Variants in SLC9D1 observed in about 807,000 individuals in gnomAD.
SLC9D1 encodes putative LAG1-interacting protein.
the SLC9D1 span, among the ~76,000 whole-genome samples, chr13:113,502,289 C>A: frequency 6.6e-6 from 1 of 152,212 alleles, no homozygotes; most frequent in African/African-American, 2.4e-5. Flanking sequence ...TCTTGGCTCA[C>A]TGCAACCTCC....
the SLC9D1 span, among the ~76,000 whole-genome samples, chr13:113,506,705 C>T: frequency 6.6e-6 from 1 of 152,280 alleles, no homozygotes; most frequent in East Asian, 1.9e-4. Flanking sequence ...CTGTGTTCCT[C>T]TCCTGTACAG....
At chr13:113,540,209 G>T in the SLC9D1 span, among the ~76,000 whole-genome samples, 42 of 152,320 alleles carry the variant, frequency 2.8e-4, no homozygotes, top group East Asian at 7.9e-3. Flanking sequence ...GTGTGAGTGC[G>T]TGTGTCTTTA....
the SLC9D1 span, among the ~76,000 whole-genome samples, chr13:113,518,800 G>A: frequency 6.6e-6 from 1 of 152,234 alleles, no homozygotes; most frequent in Non-Finnish European, 1.5e-5. Context: ...GCACAAAGCT[G>A]TAGCCACAAC....
At chr13:113,536,552 A>C in the SLC9D1 span, 5 of 984,958 alleles carry the variant, frequency 5.1e-6, no homozygotes, top group South Asian at 2.4e-4. Context: ...AACTCCCAGC[A>C]GAATTGTCTT....
At chr13:113,492,762 G>A in the SLC9D1 span, among the ~76,000 whole-genome samples, 3 of 152,194 alleles carry the variant, frequency 2.0e-5, no homozygotes, top group African/African-American at 4.8e-5. Context: ...GCTGGGTGTG[G>A]TGGCGAGCGC....
chr13:113,524,276 TG>T, the SLC9D1 span: 7 of 423,582 alleles, frequency 1.7e-5, no homozygotes, highest in African/African-American at 1.5e-4. Flanking sequence ...CTCTTTTGTT[TG>T]GTACATACAC....
the SLC9D1 span, among the ~76,000 whole-genome samples, chr13:113,521,265 A>G: frequency 7.1e-6 from 1 of 140,298 alleles, no homozygotes; most frequent in Non-Finnish European, 1.5e-5. Flanking sequence ...GTTCTGTGGT[A>G]TGTCTGTGGG....
the SLC9D1 span, chr13:113,491,221 C>T: frequency 6.6e-6 from 1 of 152,332 alleles, no homozygotes; most frequent in African/African-American, 2.4e-5. Flanking sequence ...CGGCCCAGGC[C>T]GCGGAACGGT....
At chr13:113,534,066 A>G in the SLC9D1 span, 1 of 1,606,654 alleles carries the variant, frequency 6.2e-7, no homozygotes. Flanking sequence ...AAGTTCTCCG[A>G]ATCCTGGTTT....
At chr13:113,540,880 T>G in the SLC9D1 span, among the ~76,000 whole-genome samples, 2 of 152,188 alleles carry the variant, frequency 1.3e-5, no homozygotes, top group African/African-American at 4.8e-5. Context: ...CACCTTGACT[T>G]GATTTTTGTA....
the SLC9D1 span, among the ~76,000 whole-genome samples, chr13:113,495,315 A>G: frequency 4.9e-4 from 74 of 152,352 alleles, no homozygotes; most frequent in African/African-American, 1.7e-3. Flanking sequence ...AGCACCATAC[A>G]AGGTACATCA....
chr13:113,539,026 T>C, the SLC9D1 span, among the ~76,000 whole-genome samples: 1 of 152,270 alleles, frequency 6.6e-6, no homozygotes, highest in Non-Finnish European at 1.5e-5. This position sits in a 1 kb window ranked among gnomAD's most constrained non-coding sequence, Gnocchi z 4.8. Context: ...CGGGCTATTC[T>C]GATTCAAGGT....
chr13:113,544,292 A>G, the SLC9D1 span, among the ~76,000 whole-genome samples: 2 of 152,198 alleles, frequency 1.3e-5, no homozygotes, highest in Admixed American at 1.3e-4. Flanking sequence ...AAGGGTGTGA[A>G]AGGGGCAGGG....
the SLC9D1 span, chr13:113,547,314 C>T: frequency 1.2e-6 from 2 of 1,614,142 alleles, no homozygotes; most frequent in Non-Finnish European, 1.7e-6. Context: ...CCACGTGTTC[C>T]CCACGTTTGT....
At chr13:113,545,202 A>ACAT in the SLC9D1 span, among the ~76,000 whole-genome samples, 1 of 152,234 alleles carries the variant, frequency 6.6e-6, no homozygotes, top group East Asian at 1.9e-4. Context: ...GCCCTGAACC[A>ACAT]GGCACATACC....
chr13:113,508,200 G>A, the SLC9D1 span, among the ~76,000 whole-genome samples: 5 of 152,240 alleles, frequency 3.3e-5, no homozygotes, highest in Non-Finnish European at 7.3e-5. Flanking sequence ...TGACCTCAGA[G>A]ATAACAGAGT....
chr13:113,502,375 G>A, the SLC9D1 span, among the ~76,000 whole-genome samples: 4 of 152,072 alleles, frequency 2.6e-5, no homozygotes, highest in African/African-American at 7.2e-5. Flanking sequence ...CACCACACCT[G>A]GCTAATTTTT....
chr13:113,503,664 C>A, the SLC9D1 span: 1 of 834,788 alleles, frequency 1.2e-6, no homozygotes, highest in Non-Finnish European at 2.0e-6. Context: ...ACTTTTAACA[C>A]TTGTTGATGA....
chr13:113,534,616 C>A, the SLC9D1 span: 1 of 263,034 alleles, frequency 3.8e-6, no homozygotes, highest in Non-Finnish European at 7.1e-6. Flanking sequence ...GAGTGAGAAC[C>A]CCTCTGCTAC....
Sources: gnomAD v4.1 joint callset for allele counts (sites outside exome capture counted in the v4.1 genomes callset) on GRCh38, gnomAD v4.1.1 for gene constraint, Gnocchi (gnomAD v3.1) non-coding constraint, MANE v1.5 for transcripts, NCBI Gene and HGNC (gene_info 2026-07-23, HGNC 2026-07-21) for gene names.